SCARA3: variants seen among roughly 807,000 people sequenced by gnomAD.
SCARA3 encodes cellular stress response gene protein.
A neutral mutation model predicts 47.0 loss-of-function variants in SCARA3; 39 were observed. The ratio of observed to expected loss-of-function variants is 0.83; its 90% CI spans 0.64 to 1.08. The LOEUF (loss-of-function observed/expected upper bound fraction) is 1.08, where lower values mean the gene tolerates loss of function less well. Ranked by LOEUF, SCARA3 falls within the 50% of genes least tolerant of loss-of-function variation. The pLI, the probability that SCARA3 is intolerant of heterozygous loss-of-function variation, is 0.00. For missense variants in SCARA3, 724 were observed against 792.3 expected (o/e 0.91, Z 1.04); for synonymous variants, 356 against 334.1 (o/e 1.07, Z -0.71).
chr8:27,693,193 C>A, the SCARA3 span, among the ~76,000 whole-genome samples: 746 of 151,738 alleles, frequency 4.9e-3, 6 homozygotes, highest in African/African-American at 0.017. Flanking sequence ...CCCTCCCCAA[C>A]TTTAGGTTGT....
At chr8:27,675,834 C>G (rs74638019), downstream of SCARA3, among the ~76,000 whole-genome samples, 10,504 of 151,560 alleles carry the variant, frequency 0.069, 433 homozygotes, top group East Asian at 0.22. Flanking sequence ...GGGCCTCCCC[C>G]CCAGAAACTC....
At chr8:27,647,539 C>T (rs1423179731) in intron 1 of SCARA3, among the ~76,000 whole-genome samples, 1 of 152,156 alleles carries the variant, frequency 6.6e-6, no homozygotes. Flanking sequence ...TCTGTGCCGG[C>T]TCTCTGTGCC....
chr8:27,633,574 G>C (rs1280154828), upstream of SCARA3, among the ~76,000 whole-genome samples: 1 of 152,064 alleles, frequency 6.6e-6, no homozygotes, highest in African/African-American at 2.4e-5. Context: ...TAGTGAAATG[G>C]ACTAAGATCA....
chr8:27,724,002 C>T, the SCARA3 span, among the ~76,000 whole-genome samples: 1 of 152,206 alleles, frequency 6.6e-6, no homozygotes, highest in Non-Finnish European at 1.5e-5. Flanking sequence ...TCTCGAAGTG[C>T]TGGGATTATA....
the SCARA3 span, among the ~76,000 whole-genome samples, chr8:27,684,804 C>A: frequency 6.6e-6 from 1 of 152,148 alleles, no homozygotes; most frequent in South Asian, 2.1e-4. Context: ...GCAGGAGGAT[C>A]TGCTTAAGCT....
chr8:27,653,296 T>G (rs1227431570), intron 3 of SCARA3, among the ~76,000 whole-genome samples: 1 of 152,176 alleles, frequency 6.6e-6, no homozygotes, highest in Non-Finnish European at 1.5e-5. Flanking sequence ...CCTGGCAGGC[T>G]GGAGCGGGAG....
chr8:27,641,755 CT>C (rs1801386638), intron 1 of SCARA3, among the ~76,000 whole-genome samples: 1 of 152,156 alleles, frequency 6.6e-6, no homozygotes, highest in East Asian at 1.9e-4. Flanking sequence ...AAGCCTTAAG[CT>C]CCAGAGGGCA....
chr8:27,679,105 G>A (rs189648497), downstream of SCARA3, among the ~76,000 whole-genome samples: 39 of 151,908 alleles, frequency 2.6e-4, no homozygotes, highest in Admixed American at 1.1e-3. Flanking sequence ...TTTTATTGTC[G>A]TTCTCCTCCT....
chr8:27,715,098 T>TTA, the SCARA3 span, among the ~76,000 whole-genome samples: 1 of 152,054 alleles, frequency 6.6e-6, no homozygotes, highest in Non-Finnish European at 1.5e-5. The surrounding 1 kb of genome is among the most constrained non-coding windows in gnomAD (Gnocchi z 4.2). Flanking sequence ...TTTTTTGTTT[T>TTA]TATTTTTTGT....
At chr8:27,677,968 C>T (rs1752048358), downstream of SCARA3, among the ~76,000 whole-genome samples, 1 of 152,026 alleles carries the variant, frequency 6.6e-6, no homozygotes, top group African/African-American at 2.4e-5. Context: ...AAAAAAATCA[C>T]AAGTGAAATT....
At chr8:27,680,077 T>C (rs1802335894), downstream of SCARA3, 1 of 152,098 alleles carries the variant, frequency 6.6e-6, no homozygotes, top group Non-Finnish European at 1.5e-5. Flanking sequence ...TGGATGCAGA[T>C]AAAGCAATGC....
At chr8:27,667,964 T>A (rs1402668330) in intron 5 of SCARA3, among the ~76,000 whole-genome samples, 1 of 152,096 alleles carries the variant, frequency 6.6e-6, no homozygotes, top group African/African-American at 2.4e-5. Context: ...TTCTCAGAGA[T>A]GGGGTGAGAA....
intron 3 of SCARA3, among the ~76,000 whole-genome samples, chr8:27,652,020 G>A (rs111784197): frequency 1.3e-5 from 2 of 152,190 alleles, no homozygotes; most frequent in South Asian, 2.1e-4. Flanking sequence ...GTTCACCCAG[G>A]GTTGAGATCA....
the SCARA3 span, among the ~76,000 whole-genome samples, chr8:27,720,826 A>G: frequency 6.6e-6 from 1 of 151,650 alleles, no homozygotes. Flanking sequence ...CCAGCCTTCT[A>G]TTTATCCATC....
At chr8:27,683,839 G>A in the SCARA3 span, among the ~76,000 whole-genome samples, 1 of 151,942 alleles carries the variant, frequency 6.6e-6, no homozygotes, top group East Asian at 1.9e-4. Context: ...ACAGGGAAGA[G>A]AAGGAAGAAG....
At chr8:27,704,197 G>A in the SCARA3 span, among the ~76,000 whole-genome samples, 1 of 152,158 alleles carries the variant, frequency 6.6e-6, no homozygotes, top group Non-Finnish European at 1.5e-5. Context: ...TATAATTCCA[G>A]TGCTTTGAGA....
At chr8:27,703,300 C>T in the SCARA3 span, 3 of 152,452 alleles carry the variant, frequency 2.0e-5, no homozygotes. Flanking sequence ...GACCCGGGAA[C>T]CAGGGATTCG....
the SCARA3 span, among the ~76,000 whole-genome samples, chr8:27,720,545 G>A: frequency 6.6e-6 from 1 of 152,014 alleles, no homozygotes; most frequent in Non-Finnish European, 1.5e-5. Context: ...CCTGGTTCTA[G>A]TCGAGTCTCC....
At chr8:27,644,396 C>T (rs757867977) in intron 1 of SCARA3, among the ~76,000 whole-genome samples, 6 of 152,120 alleles carry the variant, frequency 3.9e-5, no homozygotes, top group Non-Finnish European at 8.8e-5. Flanking sequence ...AGCTGTGGTC[C>T]CTTGGGGCCT....
Sources: allele counts gnomAD v4.1 joint callset (sites outside exome capture counted in the v4.1 genomes callset), GRCh38; gene constraint gnomAD v4.1.1; non-coding constraint Gnocchi (gnomAD v3.1); transcripts MANE v1.5; gene names NCBI Gene and HGNC (gene_info 2026-07-23, HGNC 2026-07-21).